PROM2: variants seen among roughly 807,000 people sequenced by gnomAD.
PROM2 encodes the protein prominin-2.
Under a neutral mutation model 110.2 loss-of-function variants are expected in PROM2, and 90 were observed. That is an observed-to-expected ratio of 0.82 (90% CI 0.69 to 0.97). The LOEUF (loss-of-function observed/expected upper bound fraction) is 0.97, where lower values mean the gene tolerates loss of function less well. PROM2 is among the 50% of genes least tolerant of loss of function. PROM2 has a pLI of 0.00. For synonymous variants in PROM2, 470 were observed against 467.8 expected, an observed-to-expected ratio of 1.00 and a Z score of -0.06; for missense variants, 1,009 against 1,074.8, an observed-to-expected ratio of 0.94 and a Z score of 0.86.
chr2:95,287,253 G>C, intron 19 of PROM2, 40 bp downstream of exon 19: 1 of 1,601,208 alleles, frequency 6.2e-7, no homozygotes, highest in Non-Finnish European at 8.6e-7. Context: ...TTCCACCCCA[G>C]GCTTCTCCAG....
rs1207547437 is a variant in PROM2 at position 95,276,670 on chromosome 2, G to A, written c.682+13G>A. 1 of 1,612,464 alleles carries A rather than the reference G, an allele frequency of 6.2e-7. No individual in the cohort carries two copies. Among genetic ancestry groups the A allele is most frequent in the Non-Finnish European group, 8.5e-7 (1 of 1,179,974 alleles). On this transcript the variant is annotated intron_variant, in intron 5 of 23. Coordinates refer to ENST00000317620, the MANE Select transcript of PROM2 (RefSeq NM_001165978.3). The surrounding 1 kb of genome is among the most constrained non-coding windows in gnomAD (Gnocchi z 4.6). The stretch of plus-strand genomic sequence containing the variant: ...GAGGAGCTGGATGGTGAGGGTCTCG[G>A]GGACTGGCAGGTGGGCTGGCTCCTT...
intron 22 of PROM2, 96 bp downstream of exon 22, chr2:95,288,685 C>G (rs1460045909): frequency 1.8e-6 from 2 of 1,093,470 alleles, no homozygotes; most frequent in African/African-American, 3.1e-5. Context: ...TGAGACCTCC[C>G]AGGCAGAGGA....
Position 95,286,505 on chromosome 2 carries a change from G to A in PROM2, c.1974G>A (p.Leu658=), listed in dbSNP as rs779434453. 6.2e-7 allele frequency: 1 copy of A among 1,613,658 alleles called. No individual in the cohort carries two copies. The highest frequency in any genetic ancestry group is 8.5e-7 in the Non-Finnish European group (1 of 1,179,944). ...AQDNSVLGQR[L]QEEAQGLRNL... is the part of the protein sequence containing the mutation. Reference sequence around the variant, plus strand: ...ACAATTCTGTGCTGGGGCAGCGGCTGCAGGAGGAGGCCCAAGGACTCAGAA... The same window carrying A: ...ACAATTCTGTGCTGGGGCAGCGGCTACAGGAGGAGGCCCAAGGACTCAGAA... Residue 658 remains leucine, a synonymous_variant, in exon 17 of 24, where the codon CTG becomes CTA. Coordinates refer to ENST00000317620, the MANE Select transcript of PROM2 (RefSeq NM_001165978.3).
intron 1 of PROM2, 22 bp downstream of exon 1, chr2:95,274,851 G>A (rs1209779123): frequency 6.6e-7 from 1 of 1,517,318 alleles, no homozygotes; most frequent in Non-Finnish European, 8.8e-7. Context: ...CCTCCCCCAT[G>A]AGGGCCTCAG....
chr2:95,277,647 C>A, intron 7 of PROM2, 81 bp downstream of exon 7: 3 of 1,333,574 alleles, frequency 2.2e-6, no homozygotes, highest in Admixed American at 2.8e-5. Flanking sequence ...AATTCCCAGT[C>A]CCCTTGCCCC....
intron 22 of PROM2, 138 bp from the exon 23 acceptor site, chr2:95,288,795 G>A (rs1392881980): frequency 1.1e-6 from 1 of 918,790 alleles, no homozygotes; most frequent in Admixed American, 1.9e-5. Context: ...GCATCCATTT[G>A]GGCGCAGCTT....
chr2:95,277,602 G>A (rs1298912062), intron 7 of PROM2, 36 bp downstream of exon 7: 6 of 1,499,276 alleles, frequency 4.0e-6, no homozygotes, highest in Non-Finnish European at 5.3e-6. Flanking sequence ...TAAAGCCACG[G>A]AGGGCTAGCT....
At position 95,277,103 on chromosome 2, in the gene PROM2, G is replaced by C. The variant is rs760949849; in HGVS notation, c.772+42G>C. On this transcript the variant is annotated intron_variant, in intron 6 of 23. Coordinates refer to ENST00000317620, the MANE Select transcript of PROM2 (RefSeq NM_001165978.3). ...TCCTGGATAGTGTGGAGCCCAGCGG[G>C]TGTCCTCCTGGGGCGATCCCACCTG... is the stretch of plus-strand genomic sequence containing the variant. 3.4e-5 allele frequency: 51 copies of C among 1,517,198 alleles called. No homozygotes were observed. The South Asian group carries it at 3.6e-4, about 11-fold the overall frequency. 94.0% of individuals were successfully genotyped at this position (1,517,198 alleles called of 1,614,324 possible).
At position 95,280,939 on chromosome 2, in the gene PROM2, G is replaced by A. The variant is rs564827341; in HGVS notation, c.1428-303G>A. 3.9e-5 allele frequency among the ~76,000 whole-genome samples: 6 copies of A among 152,330 alleles called. No individual in the cohort carries two copies. In the East Asian group the frequency reaches 9.6e-4, roughly 24 times the overall value. ...ACCTCCCAAAGTGCTGGGATTATAG[G>A]TGTGAGCCCGGATAGTCCTGGCTCT... On this transcript the variant is annotated intron_variant, in intron 11 of 23. Coordinates refer to ENST00000317620, the MANE Select transcript of PROM2 (RefSeq NM_001165978.3).
At chr2:95,288,440 G>A (rs1475273089) in intron 21 of PROM2, 43 bp from the exon 22 acceptor site, 15 of 1,599,986 alleles carry the variant, frequency 9.4e-6, no homozygotes, top group Non-Finnish European at 1.3e-5. Flanking sequence ...GGTGAGGCTG[G>A]GTGCCACGTG....
chr2:95,276,896 G>C lies in PROM2; in HGVS notation c.683-76G>C, dbSNP rs1408467004. On this transcript the variant is annotated intron_variant, in intron 5 of 23. Coordinates refer to ENST00000317620, the MANE Select transcript of PROM2 (RefSeq NM_001165978.3). This position sits in a 1 kb window ranked among gnomAD's most constrained non-coding sequence, Gnocchi z 4.6. ...GCTCCTGCAGAGCCCGGTGGGGCCT[G>C]GGGAGGCAGGATGGGAATGGGGAGG... The C allele has an allele frequency of 1.4e-6, 2 of 1,461,924 alleles. No homozygotes were observed. Among genetic ancestry groups the C allele is most frequent in the Middle Eastern group, 1.8e-4 (1 of 5,668 alleles). 90.6% of individuals were successfully genotyped at this position (1,461,924 alleles called of 1,614,324 possible).
chr2:95,283,195 A>T (rs1486803449), intron 14 of PROM2, among the ~76,000 whole-genome samples: 1 of 152,172 alleles, frequency 6.6e-6, no homozygotes, highest in Admixed American at 6.5e-5. Context: ...CCAGGGAGGG[A>T]TGAACCAGGG....
At position 95,276,737 on chromosome 2, in the gene PROM2, C is replaced by G; in HGVS notation, c.682+80C>G. 3 of 1,483,488 alleles carry G rather than the reference C, an allele frequency of 2.0e-6. No individual in the cohort carries two copies. The South Asian group carries it at 3.5e-5, about 17-fold the overall frequency. The allele number at this position is 1,483,488 out of a possible 1,614,324, so 91.9% of individuals were successfully genotyped here. A position where few individuals can be genotyped will look rare whatever the true frequency, so the allele number is the denominator to read the frequency against. On this transcript the variant is annotated intron_variant, in intron 5 of 23. Coordinates refer to ENST00000317620, the MANE Select transcript of PROM2 (RefSeq NM_001165978.3). The surrounding 1 kb of genome is among the most constrained non-coding windows in gnomAD (Gnocchi z 4.6). ...GGTGCCTCGGTGGGGGCCTCTCACT[C>G]CCTCATTCTGGACACCCCCGGGAAC...
rs781157046 is a variant in PROM2 at position 95,276,176 on chromosome 2, C to G, written c.497+44C>G. The G allele has an allele frequency of 6.2e-7, 1 of 1,612,572 alleles. No homozygotes were observed. The highest frequency in any genetic ancestry group is 1.7e-4 in the Middle Eastern group (1 of 6,056). On this transcript the variant is annotated intron_variant, in intron 3 of 23. Coordinates refer to ENST00000317620, the MANE Select transcript of PROM2 (RefSeq NM_001165978.3). This position sits in a 1 kb window ranked among gnomAD's most constrained non-coding sequence, Gnocchi z 4.6. ...CCCGGGTAGGGCGGGCTGTGGCCCC[C>G]AGGCTCCCTCTTACCCAGCAAGCAC...
Position 95,276,642 on chromosome 2 carries a change from T to G in PROM2, c.667T>G (p.Ser223Ala), listed in dbSNP as rs1229811221. Residue 223 changes from serine to alanine, a missense_variant, in exon 5 of 24, where the codon TCA becomes GCA. Physicochemically the swap from Ser to Ala is moderately conservative, Grantham distance 99. Coordinates refer to ENST00000317620, the MANE Select transcript of PROM2 (RefSeq NM_001165978.3). This position sits in a 1 kb window ranked among gnomAD's most constrained non-coding sequence, Gnocchi z 4.6. The stretch of plus-strand genomic sequence containing the variant: ...ATTCTCCCTGCCCCAGGAGCAAGTC[T>G]CAGAGGAGCTGGATGGTGAGGGTCT... ...QQFSLPQEQV[S>A]EELDGVGVSI... 1.2e-6 allele frequency: 2 copies of G among 1,612,816 alleles called. No homozygotes were observed. The highest frequency in any genetic ancestry group is 2.2e-5 in the East Asian group (1 of 44,818).
rs1676648670 is a variant in PROM2 at position 95,276,190 on chromosome 2, C to T, written c.498-37C>T. On this transcript the variant is annotated intron_variant, in intron 3 of 23. Transcript: ENST00000317620. This position sits in a 1 kb window ranked among gnomAD's most constrained non-coding sequence, Gnocchi z 4.6. ...GCTGTGGCCCCCAGGCTCCCTCTTA[C>T]CCAGCAAGCACCTTCCTCCTCCCTC... is the stretch of plus-strand genomic sequence containing the variant. 1 of 1,613,302 alleles carries T rather than the reference C, an allele frequency of 6.2e-7. No individual in the cohort carries two copies. Among genetic ancestry groups the T allele is most frequent in the Non-Finnish European group, 8.5e-7 (1 of 1,179,738 alleles).
rs1466255045 is a variant in PROM2 at position 95,282,004 on chromosome 2, A to G, written c.1631A>G (p.His544Arg). The part of the protein sequence containing the change: ...LLGLRKNISI[H>R]QAYQQCKEGA... ...GGCCTGAGGAAGAACATCAGCATCC[A>G]CCAAGCCTATCAGTGAGTGGACAGC... The change falls in exon 13 of 24, where the codon CAC (histidine) becomes CGC (arginine). Residue 544 changes from histidine to arginine, a missense_variant. His to Arg is a conservative substitution (Grantham distance 29). Transcript: ENST00000317620. 1.9e-6 allele frequency: 3 copies of G among 1,614,008 alleles called. No homozygotes were observed. Among genetic ancestry groups the G allele is most frequent in the Non-Finnish European group, 8.5e-7 (1 of 1,179,936 alleles).
Position 95,290,553 on chromosome 2 carries a change from C to G in PROM2, c.*1340C>G, listed in dbSNP as rs1039916650. ...TGTGATGCTTGTTCGCTCAGCTTCTCCATTTATGAGATGGGGAGAATAGTC... is the reference window on the plus strand; with the variant it reads ...TGTGATGCTTGTTCGCTCAGCTTCTGCATTTATGAGATGGGGAGAATAGTC... On this transcript the variant is annotated 3_prime_UTR_variant, in exon 24 of 24. Transcript: ENST00000317620. 14 of 152,192 alleles carry G rather than the reference C, an allele frequency of 9.2e-5. No individual in the cohort carries two copies. The highest frequency in any genetic ancestry group is 3.4e-4 in the African/African-American group (14 of 41,436). 9.4% of individuals were successfully genotyped at this position (152,192 alleles called of 1,614,324 possible). A position where few individuals can be genotyped will look rare whatever the true frequency, so the allele number is the denominator to read the frequency against.
Position 95,279,005 on chromosome 2 carries a change from C to G in PROM2, c.1135C>G (p.Gln379Glu), listed in dbSNP as rs537330308. Residue 379 changes from glutamine (Q) to glutamate (E), a missense_variant, in exon 10 of 24, where the codon CAG becomes GAG. Gln to Glu is a conservative substitution (Grantham distance 29). Transcript: ENST00000317620. ...VVQELKKAVA[Q>E]QPEGVRTLAE... Reference sequence around the variant, plus strand: ...GGCAGAGCTGAAGAAGGCAGTGGCCCAGCAGCCGGAAGGGGTGAGGACACT... The same window carrying G: ...GGCAGAGCTGAAGAAGGCAGTGGCCGAGCAGCCGGAAGGGGTGAGGACACT... The G allele has an allele frequency of 2.5e-6, 4 of 1,607,404 alleles. No individual in the cohort carries two copies. The African/African-American group carries it at 5.3e-5, about 21-fold the overall frequency.
Sources: gnomAD v4.1 joint callset for allele counts (sites outside exome capture counted in the v4.1 genomes callset) on GRCh38, gnomAD v4.1.1 for gene constraint, Gnocchi (gnomAD v3.1) non-coding constraint, MANE v1.5 for transcripts, NCBI Gene and HGNC (gene_info 2026-07-23, HGNC 2026-07-21) for gene names.